PLEKHG1: variants seen among roughly 807,000 people sequenced by gnomAD.
PLEKHG1 encodes pleckstrin homology domain-containing family G member 1.
PLEKHG1 carries 44 observed loss-of-function variants against 100.8 expected under a neutral mutation model. That is an observed-to-expected ratio of 0.44 (90% confidence interval 0.34 to 0.56). The LOEUF (loss-of-function observed/expected upper bound fraction) is 0.56, where lower values mean the gene tolerates loss of function less well. Ranked by LOEUF, PLEKHG1 falls within the 20% of genes least tolerant of loss-of-function variation. The pLI, the probability that PLEKHG1 is intolerant of heterozygous loss-of-function variation, is 0.01. For synonymous variants in PLEKHG1, 640 were observed against 662.5 expected (o/e 0.97, Z 0.52); for missense variants, 1,545 against 1,720.9 (o/e 0.90, Z 1.81).
Position 150,817,838 on chromosome 6 carries a change from A to G in PLEKHG1, c.1279-345A>G, listed in dbSNP as rs140270018. Among the ~76,000 whole-genome samples, 144 of 151,944 alleles carry G rather than the reference A, an allele frequency of 9.5e-4. 1 individual carries two copies. The East Asian group carries it at 0.022, about 23-fold the overall frequency. On this transcript the variant is annotated intron_variant, in intron 10 of 15. Transcript: ENST00000358517. ...CAGCCTCCCAAAGTGCTGGGATTAC[A>G]GGCGTGAGCTACCGCGCCCAGCCGA...
At chr6:150,678,699 TTA>T (rs1779840256) in intron 3 of PLEKHG1, among the ~76,000 whole-genome samples, 1 of 152,204 alleles carries the variant, frequency 6.6e-6, no homozygotes, top group African/African-American at 2.4e-5. Flanking sequence ...TTCTAAAATT[TTA>T]TAGTGTTCAC....
At chr6:150,810,508 GAAAGAAA>G (rs1562540118) in intron 10 of PLEKHG1, among the ~76,000 whole-genome samples, 1 of 76,636 alleles carries the variant, frequency 1.3e-5, no homozygotes, top group African/African-American at 4.9e-5. Context: ...GGGAAAGAAA[GAAAGAAA>G]AAGAAAGAAA....
intron 1 of PLEKHG1, among the ~76,000 whole-genome samples, chr6:150,616,901 T>TACTATG (rs1562385703): frequency 6.6e-6 from 1 of 151,480 alleles, no homozygotes; most frequent in African/African-American, 2.4e-5. Flanking sequence ...ATTCTCAATC[T>TACTATG]ATAAAAATCA....
intron 1 of PLEKHG1, among the ~76,000 whole-genome samples, chr6:150,725,268 G>C (rs1027927933): frequency 6.6e-6 from 1 of 152,064 alleles, no homozygotes; most frequent in African/African-American, 2.4e-5. Flanking sequence ...GAGCCCTCAT[G>C]ACCTAATCAT....
At chr6:150,609,392 A>G (rs759934144) in intron 1 of PLEKHG1, among the ~76,000 whole-genome samples, 4 of 152,222 alleles carry the variant, frequency 2.6e-5, no homozygotes, top group Non-Finnish European at 5.9e-5. Context: ...ATAAGGAGTG[A>G]TCTTGAGAAG....
Position 150,819,760 on chromosome 6 carries a change from T to G in PLEKHG1, c.1394T>G (p.Leu465Arg), listed in dbSNP as rs149393349. The G allele has an allele frequency of 5.1e-5, 82 of 1,598,912 alleles. No individual in the cohort carries two copies. In the African/African-American group the frequency reaches 9.2e-4, roughly 18 times the overall value. ...AAAGAAGGTTCTGCTCCATATCGGC[T>G]GAGAAGAAAATCTGGTAAGTAAGAT... The change falls in exon 12 of 16, where the codon CTG becomes CGG. Residue 465 changes from leucine to arginine, a missense_variant. Physicochemically the swap from Leu to Arg is moderately radical, Grantham distance 102. Coordinates refer to ENST00000358517, the Ensembl canonical transcript of PLEKHG1.
At chr6:150,603,220 G>A (rs1365328845) in intron 1 of PLEKHG1, among the ~76,000 whole-genome samples, 1 of 152,122 alleles carries the variant, frequency 6.6e-6, no homozygotes, top group East Asian at 1.9e-4. Context: ...TAGACAAAGG[G>A]TCTGTAAGCA....
At chr6:150,705,417 A>T (rs750397713) in intron 3 of PLEKHG1, among the ~76,000 whole-genome samples, 1 of 152,252 alleles carries the variant, frequency 6.6e-6, no homozygotes, top group Admixed American at 6.5e-5. Flanking sequence ...TGTCTTTGTC[A>T]TGGGGTTTCC....
At chr6:150,627,078 C>T (rs963945195) in intron 1 of PLEKHG1, among the ~76,000 whole-genome samples, 13 of 151,820 alleles carry the variant, frequency 8.6e-5, no homozygotes, top group African/African-American at 2.9e-4. Flanking sequence ...AGAATTTGCT[C>T]GTGAACCCTG....
chr6:150,687,744 T>C (rs1021222678), intron 3 of PLEKHG1, among the ~76,000 whole-genome samples: 3 of 152,282 alleles, frequency 2.0e-5, no homozygotes, highest in African/African-American at 7.2e-5. Flanking sequence ...TGCCCCTCCA[T>C]GCTCTCATCT....
intron 3 of PLEKHG1, among the ~76,000 whole-genome samples, chr6:150,783,853 C>T (rs1460293888): frequency 6.6e-6 from 1 of 152,154 alleles, no homozygotes; most frequent in Non-Finnish European, 1.5e-5. Flanking sequence ...CCACATATTT[C>T]TAGAAAAATA....
chr6:150,759,658 A>T (rs1470161226), intron 2 of PLEKHG1, among the ~76,000 whole-genome samples: 1 of 152,138 alleles, frequency 6.6e-6, no homozygotes, highest in Non-Finnish European at 1.5e-5. Flanking sequence ...ATGAAATGAG[A>T]GAATGCATAT....
intron 3 of PLEKHG1, among the ~76,000 whole-genome samples, chr6:150,667,635 T>C (rs1779446870): frequency 1.3e-5 from 2 of 152,248 alleles, no homozygotes; most frequent in Non-Finnish European, 2.9e-5. Flanking sequence ...GTTTTATTAA[T>C]TCAAGCAGGA....
intron 10 of PLEKHG1, among the ~76,000 whole-genome samples, chr6:150,811,713 TCAGGGACTGAGG>T (rs1471490439): frequency 6.6e-6 from 1 of 150,804 alleles, no homozygotes; most frequent in Non-Finnish European, 1.5e-5. Flanking sequence ...GGCTGAGTTC[TCAGGGACTGAGG>T]CAGGGGCTGG....
At position 150,795,917 on chromosome 6, in the gene PLEKHG1, TG is replaced by T; in HGVS notation, c.629+18del. 6.5e-7 allele frequency: 1 copy of T among 1,539,210 alleles called. No individual in the cohort carries two copies. The highest frequency in any genetic ancestry group is 9.0e-7 in the Non-Finnish European group (1 of 1,112,678). Reference sequence around the variant, plus strand: ...AACTATCCAAGGTATGGATCGAGAATGGGCCAAGAGTACTTTTGTTCACTTT... The same window carrying T: ...AACTATCCAAGGTATGGATCGAGAATGGCCAAGAGTACTTTTGTTCACTTT... On this transcript the variant is annotated intron_variant, in intron 5 of 15. Transcript: ENST00000358517.
intron 3 of PLEKHG1, 44 bp from the exon 5 acceptor site, chr6:150,786,346 G>A (rs1247154698): frequency 2.4e-6 from 3 of 1,269,448 alleles, no homozygotes; most frequent in Non-Finnish European, 3.5e-6. Flanking sequence ...TACTCACCCA[G>A]AAGACTACAA....
intron 3 of PLEKHG1, among the ~76,000 whole-genome samples, chr6:150,715,970 T>A (rs1781416238): frequency 6.8e-6 from 1 of 147,720 alleles, no homozygotes. Context: ...TAGCCGGGCG[T>A]GGTGGCGGGC....
At chr6:150,788,287 T>C (rs1045957846) in intron 4 of PLEKHG1, among the ~76,000 whole-genome samples, 4 of 152,236 alleles carry the variant, frequency 2.6e-5, no homozygotes, top group Non-Finnish European at 5.9e-5. Flanking sequence ...CTCAGCAGCC[T>C]GACATTTAGA....
intron 3 of PLEKHG1, among the ~76,000 whole-genome samples, chr6:150,691,841 T>C (rs2128593804): frequency 6.6e-6 from 1 of 152,326 alleles, no homozygotes; most frequent in South Asian, 2.1e-4. Context: ...TCACCAAATA[T>C]TTACTGAGGA....
Sources: gnomAD v4.1 joint callset for allele counts (sites outside exome capture counted in the v4.1 genomes callset) on GRCh38, gnomAD v4.1.1 for gene constraint, MANE v1.5 for transcripts, NCBI Gene and HGNC (gene_info 2026-07-23, HGNC 2026-07-21) for gene names.